The following ZNF273 variants were observed in gnomAD, a reference collection of about 807,000 sequenced individuals.
ZNF273 encodes the protein zinc finger protein 9.
A neutral mutation model predicts 14.9 loss-of-function variants in ZNF273; 11 were observed. The ratio of observed to expected loss-of-function variants is 0.74; its 90% CI spans 0.46 to 1.22. The LOEUF is 1.22. ZNF273 is among the 50% of genes most tolerant of loss of function. ZNF273 has a pLI of 0.00. For missense variants in ZNF273, 577 were observed against 660.6 expected, an observed-to-expected ratio of 0.87 and a Z score of 1.39; for synonymous variants, 199 against 223.9, an observed-to-expected ratio of 0.89 and a Z score of 0.99.
At chr7:64,912,829 T>TTTTGTTG (rs796861025) in intron 1 of ZNF273, among the ~76,000 whole-genome samples, 3 of 92,138 alleles carry the variant, frequency 3.3e-5, no homozygotes, top group Non-Finnish European at 4.8e-5. Context: ...CATTTTAGTT[T>TTTTGTTG]TTTTTTTTTT....
In ZNF273 at chr7:64,928,723, T is replaced by C; in HGVS notation, c.1395T>C (p.Ser465=). 1.2e-6 allele frequency: 2 copies of C among 1,604,752 alleles called. No homozygotes were observed. The highest frequency in any genetic ancestry group is 1.7e-6 in the Non-Finnish European group (2 of 1,173,758). Residue 465 remains serine, a synonymous_variant, in exon 4 of 4, where the codon AGT becomes AGC. Coordinates refer to ENST00000476120, the MANE Select transcript of ZNF273 (RefSeq NM_021148.3). ...AKPYKCEECG[S]AFRAFSTLTE... Reference sequence around the variant, plus strand: ...CTTACAAATGTGAAGAATGTGGCAGTGCCTTTAGGGCATTCTCAACCCTTA... The same window carrying C: ...CTTACAAATGTGAAGAATGTGGCAGCGCCTTTAGGGCATTCTCAACCCTTA...
chr7:64,912,826 G>GTTTTTTGTTGTTTTTTT, intron 1 of ZNF273, among the ~76,000 whole-genome samples: 3 of 36,576 alleles, frequency 8.2e-5, no homozygotes, highest in South Asian at 1.3e-3. Context: ...ATTCATTTTA[G>GTTTTTTGTTGTTTTTTT]TTTTTTTTTT....
chr7:64,934,475 A>G, downstream of ZNF273, among the ~76,000 whole-genome samples: 1 of 152,262 alleles, frequency 6.6e-6, no homozygotes, highest in South Asian at 2.1e-4. Flanking sequence ...AAGTAATTAA[A>G]CTATTTGAAT....
intron 1 of ZNF273, among the ~76,000 whole-genome samples, chr7:64,913,497 A>G (rs1740529507): frequency 6.6e-6 from 1 of 151,960 alleles, no homozygotes; most frequent in Admixed American, 6.6e-5. Context: ...TAAACATTGC[A>G]GTAGTACATG....
At chr7:64,887,577 A>G (rs1408206813) in intron 1 of ZNF273, among the ~76,000 whole-genome samples, 1 of 152,170 alleles carries the variant, frequency 6.6e-6, no homozygotes, top group African/African-American at 2.4e-5. Flanking sequence ...AGCTCACTGC[A>G]ACCTCTGCCT....
chr7:64,885,075 G>A (rs989295804), intron 1 of ZNF273, among the ~76,000 whole-genome samples: 2 of 152,190 alleles, frequency 1.3e-5, no homozygotes, highest in African/African-American at 2.4e-5. Context: ...GTATGCCACC[G>A]TTGCCTGGTG....
intron 1 of ZNF273, among the ~76,000 whole-genome samples, chr7:64,884,748 C>T (rs1791477936): frequency 6.6e-6 from 1 of 152,210 alleles, no homozygotes; most frequent in Non-Finnish European, 1.5e-5. Flanking sequence ...CACACAGACT[C>T]TTTCGGGAAT....
downstream of ZNF273, chr7:64,889,009 AC>A: frequency 1.0e-6 from 1 of 985,946 alleles, no homozygotes; most frequent in Non-Finnish European, 1.2e-6. This position sits in a 1 kb window ranked among gnomAD's most constrained non-coding sequence, Gnocchi z 4.2. Context: ...GCCAAGCAGA[AC>A]CGCCTACAAG....
At chr7:64,902,458 G>A (rs10237833), upstream of ZNF273, among the ~76,000 whole-genome samples, 62,147 of 152,018 alleles carry the variant, frequency 0.41, 12,926 homozygotes, top group South Asian at 0.45. Flanking sequence ...GGCCAGGCGC[G>A]GTGGCTCACG....
chr7:64,900,495 G>A (rs1234295810), upstream of ZNF273, among the ~76,000 whole-genome samples: 1 of 152,182 alleles, frequency 6.6e-6, no homozygotes, highest in Non-Finnish European at 1.5e-5. Flanking sequence ...GAAAAATCGA[G>A]CAGCAAACAT....
chr7:64,913,877 T>C (rs1017154820), intron 1 of ZNF273, among the ~76,000 whole-genome samples: 8 of 152,186 alleles, frequency 5.3e-5, no homozygotes, highest in African/African-American at 1.7e-4. Flanking sequence ...CTCAGGCTTC[T>C]AATGAGGATT....
chr7:64,923,745 G>A, intron 3 of ZNF273: 1 of 177,616 alleles, frequency 5.6e-6, no homozygotes, highest in South Asian at 1.1e-4. Context: ...AATAATTATG[G>A]GTATGAAAAT....
chr7:64,889,768 G>C, downstream of ZNF273: 1 of 985,730 alleles, frequency 1.0e-6, no homozygotes. This position sits in a 1 kb window ranked among gnomAD's most constrained non-coding sequence, Gnocchi z 4.2. Context: ...GGCTCCAGGA[G>C]TCCCGAGCCC....
chr7:64,910,453 G>A (rs1444497594), intron 1 of ZNF273, among the ~76,000 whole-genome samples: 1 of 152,120 alleles, frequency 6.6e-6, no homozygotes, highest in Non-Finnish European at 1.5e-5. Context: ...CCTCTTGTCA[G>A]CTTTGTAGAA....
intron 1 of ZNF273, among the ~76,000 whole-genome samples, chr7:64,888,066 A>G (rs1791706856): frequency 6.6e-6 from 1 of 152,116 alleles, no homozygotes; most frequent in African/African-American, 2.4e-5. Context: ...GACCTGCCCA[A>G]GTGGGACCTG....
At position 64,917,801 on chromosome 7, in the gene ZNF273, G is replaced by T. The variant is rs1028686587; in HGVS notation, c.229+94G>T. 6.0e-6 allele frequency: 8 copies of T among 1,340,156 alleles called. No homozygotes were observed. The African/African-American group carries it at 1.2e-4, about 20-fold the overall frequency. The allele number at this position is 1,340,156 out of a possible 1,614,324, so 83.0% of individuals were successfully genotyped here. A position where few individuals can be genotyped will look rare whatever the true frequency, so the allele number is the denominator to read the frequency against. On this transcript the variant is annotated intron_variant, in intron 2 of 3. Transcript: ENST00000476120. ...TTCTGCTTTGCATAAATAAATTTTAGATCCCTATTTTCAACAAAATCCTGG... is the reference window on the plus strand; with the variant it reads ...TTCTGCTTTGCATAAATAAATTTTATATCCCTATTTTCAACAAAATCCTGG...
At chr7:64,935,629 TCTC>T (rs1795053659), downstream of ZNF273, among the ~76,000 whole-genome samples, 1 of 152,222 alleles carries the variant, frequency 6.6e-6, no homozygotes, top group East Asian at 1.9e-4. Flanking sequence ...TGCAAGCTAT[TCTC>T]CTGCCTCAGC....
chr7:64,936,329 T>A, the ZNF273 span, among the ~76,000 whole-genome samples: 29 of 152,286 alleles, frequency 1.9e-4, no homozygotes, highest in Middle Eastern at 3.4e-3. Flanking sequence ...CCCAATTAAA[T>A]TAAGACCCCA....
chr7:64,886,539 A>G (rs1348322249), intron 1 of ZNF273, among the ~76,000 whole-genome samples: 1 of 152,366 alleles, frequency 6.6e-6, no homozygotes, highest in East Asian at 1.9e-4. Context: ...GAAATCTGCC[A>G]TTATAATCTG....
Sources: allele counts gnomAD v4.1 joint callset (sites outside exome capture counted in the v4.1 genomes callset), GRCh38; gene constraint gnomAD v4.1.1; non-coding constraint Gnocchi (gnomAD v3.1); transcripts MANE v1.5; gene names NCBI Gene and HGNC (gene_info 2026-07-23, HGNC 2026-07-21).